The following SMG1 variants were observed in gnomAD, a reference collection of about 807,000 sequenced individuals.
SMG1 encodes the protein serine/threonine-protein kinase SMG1.
A neutral mutation model predicts 419.9 loss-of-function variants in SMG1; 22 were observed. The observed-to-expected ratio is 0.05, with a 90% confidence interval of 0.04 to 0.07. SMG1 has a LOEUF of 0.07. SMG1 is among the 10% of genes least tolerant of loss of function. The pLI is 1.00. For synonymous variants in SMG1, 1,538 were observed against 1,553.5 expected, an observed-to-expected ratio of 0.99 and a Z score of 0.23; for missense variants, 3,185 against 4,342.0, an observed-to-expected ratio of 0.73 and a Z score of 7.49.
chr16:18,832,712 GGA>G (rs1567334305), intron 51 of SMG1, among the ~76,000 whole-genome samples: 2 of 151,942 alleles, frequency 1.3e-5, no homozygotes, highest in Non-Finnish European at 2.9e-5. Context: ...ACTGAAGGAA[GGA>G]TGAAGCATGC....
chr16:18,871,173 G>T (rs1267035991), intron 16 of SMG1, among the ~76,000 whole-genome samples, 191 bp downstream of exon 16: 3 of 152,020 alleles, frequency 2.0e-5, no homozygotes, highest in East Asian at 3.9e-4. Context: ...TTAAAAATGT[G>T]ACAATCACTT....
chr16:18,888,113 C>T (rs1240764948), intron 6 of SMG1, among the ~76,000 whole-genome samples: 8 of 134,370 alleles, frequency 6.0e-5, no homozygotes, highest in Admixed American at 4.5e-4. Context: ...TGCAGTGAGC[C>T]GAGATCATGC....
intron 51 of SMG1, among the ~76,000 whole-genome samples, chr16:18,830,698 G>C (rs2033115528): frequency 6.6e-6 from 1 of 152,164 alleles, no homozygotes; most frequent in Non-Finnish European, 1.5e-5. Context: ...GCTGAGGCTA[G>C]GAGAATCGCT....
At chr16:18,810,145 G>A (rs757336608) in intron 62 of SMG1, among the ~76,000 whole-genome samples, 7 of 151,990 alleles carry the variant, frequency 4.6e-5, no homozygotes, top group Non-Finnish European at 1.0e-4. Flanking sequence ...TTATCCCACA[G>A]GAAAAAAATG....
intron 39 of SMG1, among the ~76,000 whole-genome samples, chr16:18,843,343 T>C (rs749763377): frequency 2.0e-5 from 3 of 152,226 alleles, no homozygotes; most frequent in Middle Eastern, 3.2e-3. Flanking sequence ...AGTAACCATT[T>C]AGGTCTGACC....
chr16:18,841,755 A>T lies in SMG1; in HGVS notation c.6506T>A (p.Phe2169Tyr). 1 of 1,613,954 alleles carries T rather than the reference A, an allele frequency of 6.2e-7. No homozygotes were observed. Among genetic ancestry groups the T allele is most frequent in the Non-Finnish European group, 8.5e-7 (1 of 1,179,876 alleles). The change falls in exon 41 of 63, where the codon TTC (phenylalanine) becomes TAC (tyrosine). Residue 2169 changes from phenylalanine to tyrosine, a missense_variant. By Grantham distance (22) the Phe-to-Tyr change is conservative (BLOSUM62 3). Coordinates refer to ENST00000446231, the MANE Select transcript of SMG1 (RefSeq NM_015092.5). ...DLHLDERIMQ[F>Y]LSIVNTMFAT... The stretch of plus-strand genomic sequence containing the variant: ...AAACATGGTATTCACAATAGATAGG[A>T]ACTGCATTATTCTCTCATCCAGATG...
chr16:18,832,686 T>C (rs1039835282), intron 51 of SMG1, among the ~76,000 whole-genome samples: 4 of 151,998 alleles, frequency 2.6e-5, no homozygotes, highest in South Asian at 2.1e-4. Flanking sequence ...TTCATAGTGT[T>C]ACTATAGATA....
rs748841351 is a variant in SMG1 at position 18,882,230 on chromosome 16, T to C, written c.1228A>G (p.Arg410Gly). 6.2e-7 allele frequency: 1 copy of C among 1,608,308 alleles called. No individual in the cohort carries two copies. The change falls in exon 10 of 63, where the codon AGG becomes GGG. Residue 410 changes from arginine (R) to glycine (G), a missense_variant. Physicochemically the swap from Arg to Gly is moderately radical, Grantham distance 125. Transcript: ENST00000446231. ...ALLRVFSTVV[R>G]SIGERFSPIR... ...GGGCTGAAGCGTTCCCCAATGCTCC[T>C]CACCACAGTACTAAATACCCGGAGA...
chr16:18,846,760 T>C (rs575702038), intron 38 of SMG1, among the ~76,000 whole-genome samples: 1 of 152,228 alleles, frequency 6.6e-6, no homozygotes, highest in African/African-American at 2.4e-5. Flanking sequence ...GGAACCCTCA[T>C]GCATGGCTAG....
intron 56 of SMG1, 85 bp downstream of exon 56, chr16:18,819,417 C>T: frequency 1.4e-6 from 2 of 1,454,498 alleles, no homozygotes; most frequent in Admixed American, 2.0e-5. Flanking sequence ...TCTCAAGCTC[C>T]CCTAGTTACC....
intron 60 of SMG1, 81 bp from the exon 61 acceptor site, chr16:18,812,208 G>A (rs1050946397): frequency 5.2e-6 from 7 of 1,335,484 alleles, no homozygotes; most frequent in Non-Finnish European, 7.2e-6. Context: ...CGGGATAGGT[G>A]GTAGTGGTTG....
chr16:18,893,581 G>C (rs1055929224), intron 3 of SMG1, among the ~76,000 whole-genome samples: 6 of 151,988 alleles, frequency 3.9e-5, no homozygotes, highest in African/African-American at 1.4e-4. Context: ...AATCACACTA[G>C]TGCATTCCAG....
intron 7 of SMG1, 103 bp downstream of exon 7, chr16:18,885,438 T>C: frequency 7.1e-7 from 1 of 1,415,834 alleles, no homozygotes; most frequent in African/African-American, 1.4e-5. Context: ...ACTGATTATA[T>C]TCAAAGGAGC....
rs371625772 is a variant in SMG1, at chr16:18,819,357, T to G, written c.9894+145A>C. The stretch of plus-strand genomic sequence containing the variant: ...TGTGGGTTCAACTTAAGGCATGTCC[T>G]GAAAGGCCCATCCGTCCCTCCTCCC... On this transcript the variant is annotated intron_variant, in intron 56 of 62. Coordinates refer to ENST00000446231, the MANE Select transcript of SMG1 (RefSeq NM_015092.5). 6.9e-5 allele frequency: 52 copies of G among 756,190 alleles called. No individual in the cohort carries two copies. In the Middle Eastern group the frequency reaches 1.1e-3, roughly 17 times the overall value. The allele number at this position is 756,190 out of a possible 1,614,324, so 46.8% of individuals were successfully genotyped here. A position where few individuals can be genotyped will look rare whatever the true frequency, so the allele number is the denominator to read the frequency against.
intron 46 of SMG1, among the ~76,000 whole-genome samples, chr16:18,836,814 A>G (rs17663759): frequency 0.31 from 46,981 of 152,140 alleles, 8,008 homozygotes; most frequent in Non-Finnish European, 0.39. Flanking sequence ...AGAGCCTCAC[A>G]CAATGCTTGA....
At chr16:18,853,929 T>C in intron 30 of SMG1, 62 bp from the exon 31 acceptor site, 1 of 1,447,954 alleles carries the variant, frequency 6.9e-7, no homozygotes, top group South Asian at 1.4e-5. Flanking sequence ...AGGGAGGCAC[T>C]TGGATTAGGA....
intron 1 of SMG1, among the ~76,000 whole-genome samples, chr16:18,908,476 C>CAAAAAAAAA (rs59890240): frequency 2.4e-5 from 2 of 83,708 alleles, no homozygotes; most frequent in Admixed American, 2.7e-4. Context: ...GACTCCGTCT[C>CAAAAAAAAA]AAAAAAAAAA....
At position 18,838,680 on chromosome 16, in the gene SMG1, T is replaced by C; in HGVS notation, c.6955A>G (p.Arg2319Gly). The C allele has an allele frequency of 1.2e-6, 2 of 1,600,998 alleles. No individual in the cohort carries two copies. The highest frequency in any genetic ancestry group is 1.7e-6 in the Non-Finnish European group (2 of 1,174,040). The change falls in exon 43 of 63, where the codon AGA (arginine) becomes GGA (glycine). Residue 2319 changes from arginine to glycine, a missense_variant. Arg to Gly is a moderately radical substitution (Grantham distance 125). This residue lies in a region of SMG1 where 132 missense variants were observed against 151.0 expected (regional missense o/e 0.87). Coordinates refer to ENST00000446231, the MANE Select transcript of SMG1 (RefSeq NM_015092.5). ...EWWRVTQSYA[R>G]STAVMSMVGY... is the part of the protein sequence containing the mutation. ...ACCATAGACATGACTGCAGTAGATC[T>C]TGCATAAGACTAAAGGAAAGGAAAT...
intron 60 of SMG1, among the ~76,000 whole-genome samples, chr16:18,812,761 GC>G (rs1476097465): frequency 6.6e-6 from 1 of 151,972 alleles, no homozygotes; most frequent in Non-Finnish European, 1.5e-5. Flanking sequence ...ATGTTGGTGT[GC>G]TGCACCCATT....
Sources: gnomAD v4.1 joint callset for allele counts (sites outside exome capture counted in the v4.1 genomes callset) on GRCh38, gnomAD v4.1.1 for gene constraint, gnomAD v4.1.1 regional missense constraint, MANE v1.5 for transcripts, NCBI Gene and HGNC (gene_info 2026-07-23, HGNC 2026-07-21) for gene names.